The following PDE4D variants were observed in gnomAD, a reference collection of about 807,000 sequenced individuals.
PDE4D encodes the protein 3',5'-cyclic-AMP phosphodiesterase 4D.
PDE4D carries 24 observed loss-of-function variants against 87.4 expected under a neutral mutation model. That is an observed-to-expected ratio of 0.27 (90% CI 0.20 to 0.39). The LOEUF (loss-of-function observed/expected upper bound fraction) is 0.39. Among genes scored for constraint, PDE4D ranks in the 10% least tolerant of loss-of-function variants. The pLI is 1.00. For synonymous variants in PDE4D, 384 were observed against 383.2 expected (o/e 1.00, Z -0.02); for missense variants, 714 against 1,041.0 (o/e 0.69, Z 4.32).
intron 1 of PDE4D, among the ~76,000 whole-genome samples, chr5:59,521,650 C>T (rs1812260110): frequency 6.6e-6 from 1 of 152,088 alleles, no homozygotes. Context: ...ACACTCTTTC[C>T]CCACTTTACC....
rs1037438638 is a variant in PDE4D, at chr5:59,525,736, C to G, written c.456-309768G>C. On this transcript the variant is annotated intron_variant, in intron 1 of 14. Coordinates refer to ENST00000340635, the MANE Select transcript of PDE4D (RefSeq NM_001104631.2). The stretch of plus-strand genomic sequence containing the variant: ...GGAACCTCATGGGAGGTGATTAGAT[C>G]ATGGGAGCAGATCCCCCTGCTGTTC... Among the ~76,000 whole-genome samples, 12 of 152,166 alleles carry G rather than the reference C, an allele frequency of 7.9e-5. No homozygotes were observed. The South Asian group carries it at 1.2e-3, about 16-fold the overall frequency.
At chr5:59,307,546 C>T (rs1191027484) in intron 1 of PDE4D, among the ~76,000 whole-genome samples, 12 of 152,062 alleles carry the variant, frequency 7.9e-5, no homozygotes, top group Admixed American at 2.0e-4. Context: ...AGAAAGTGGG[C>T]GAAGGATATG....
chr5:59,894,405 G>C (rs1751415293), upstream of PDE4D, among the ~76,000 whole-genome samples: 1 of 152,212 alleles, frequency 6.6e-6, no homozygotes, highest in South Asian at 2.1e-4. Flanking sequence ...AATTGGATCT[G>C]GGTGAAGATC....
intron 1 of PDE4D, among the ~76,000 whole-genome samples, chr5:60,370,332 C>T (rs1329291535): frequency 6.6e-6 from 1 of 152,118 alleles, no homozygotes; most frequent in Non-Finnish European, 1.5e-5. Context: ...TTGGTATGCG[C>T]TATATAATGG....
intron 6 of PDE4D, among the ~76,000 whole-genome samples, chr5:59,015,228 C>T (rs1373329321): frequency 1.3e-5 from 2 of 152,070 alleles, no homozygotes; most frequent in Admixed American, 1.3e-4. Context: ...GACTTCATGT[C>T]TGAAACACCA....
rs572041355 is a variant in PDE4D at position 59,052,953 on chromosome 5, T to A, written c.809-13982A>T. 1.8e-3 allele frequency among the ~76,000 whole-genome samples: 267 copies of A among 152,286 alleles called. 2 individuals carry two copies. The Middle Eastern group carries it at 0.031, about 17-fold the overall frequency. On this transcript the variant is annotated intron_variant, in intron 5 of 14. Coordinates refer to ENST00000340635, the MANE Select transcript of PDE4D (RefSeq NM_001104631.2). ...TTAATAGTAATTCATCTCCTCCCTA[T>A]CTTTTTTTAAAACATGGTCAAAATT...
At chr5:59,674,557 C>G (rs1369892325) in intron 1 of PDE4D, among the ~76,000 whole-genome samples, 1 of 152,208 alleles carries the variant, frequency 6.6e-6, no homozygotes. Context: ...CTGAGATACT[C>G]TCTCTACAAG....
At chr5:59,774,091 G>A (rs1763842714) in intron 1 of PDE4D, among the ~76,000 whole-genome samples, 1 of 152,148 alleles carries the variant, frequency 6.6e-6, no homozygotes. Flanking sequence ...GGTAGTTTAG[G>A]GGAGGTAAGA....
At chr5:60,272,671 T>C (rs116215121) in intron 1 of PDE4D, among the ~76,000 whole-genome samples, 42 of 152,244 alleles carry the variant, frequency 2.8e-4, no homozygotes, top group African/African-American at 9.6e-4. Context: ...TGGAATTGTA[T>C]CAGTTAGACA....
At chr5:60,140,078 T>C (rs994223434) in intron 2 of PDE4D, among the ~76,000 whole-genome samples, 54 of 152,098 alleles carry the variant, frequency 3.6e-4, no homozygotes, top group African/African-American at 1.3e-3. Context: ...ATCTATTTAA[T>C]TTGTATTATT....
intron 2 of PDE4D, among the ~76,000 whole-genome samples, chr5:59,208,499 T>TTAA (rs1400647584): frequency 6.6e-6 from 1 of 152,238 alleles, no homozygotes; most frequent in Non-Finnish European, 1.5e-5. Flanking sequence ...GCACTGGCAA[T>TTAA]GATACTTAGA....
At chr5:59,647,283 A>G (rs1458344914) in intron 1 of PDE4D, among the ~76,000 whole-genome samples, 2 of 152,170 alleles carry the variant, frequency 1.3e-5, no homozygotes, top group Non-Finnish European at 2.9e-5. Context: ...AAATATAAAA[A>G]TGAAACATAT....
chr5:59,892,944 C>T (rs996659159), intron 1 of PDE4D, among the ~76,000 whole-genome samples: 1 of 148,500 alleles, frequency 6.7e-6, no homozygotes, highest in Non-Finnish European at 1.5e-5. Context: ...ACACACGGCC[C>T]CAGTTAACAT....
At chr5:59,030,422 CAAAAAAAAAAAA>C (rs373275661) in intron 6 of PDE4D, among the ~76,000 whole-genome samples, 6 of 58,300 alleles carry the variant, frequency 1.0e-4, no homozygotes, top group Non-Finnish European at 1.6e-4. Context: ...AACAGAGATA[CAAAAAAAAAAAA>C]AAAAAAAAAA....
intron 1 of PDE4D, among the ~76,000 whole-genome samples, chr5:59,879,181 T>C (rs897262116): frequency 2.0e-5 from 3 of 152,086 alleles, no homozygotes; most frequent in Admixed American, 2.0e-4. Context: ...ATTACAGGCG[T>C]GAGCCACCGC....
intron 2 of PDE4D, among the ~76,000 whole-genome samples, chr5:60,095,922 C>A (rs1775631619): frequency 6.6e-6 from 1 of 152,180 alleles, no homozygotes; most frequent in East Asian, 1.9e-4. Flanking sequence ...ATCCTTCACC[C>A]TCTTTTTAAT....
intron 1 of PDE4D, among the ~76,000 whole-genome samples, chr5:59,342,940 C>T (rs968780184): frequency 6.6e-6 from 1 of 151,052 alleles, no homozygotes; most frequent in Non-Finnish European, 1.5e-5. Flanking sequence ...GTGGTGAGAA[C>T]ATTTAAAATC....
At chr5:60,341,733 G>A (rs1758337063) in intron 1 of PDE4D, among the ~76,000 whole-genome samples, 1 of 151,982 alleles carries the variant, frequency 6.6e-6, no homozygotes, top group Non-Finnish European at 1.5e-5. Context: ...ACCATCCAAG[G>A]CCAAAATTAA....
rs572075145 is a variant in PDE4D, at chr5:60,391,550, C to T, written c.-90+96392G>A. Among the ~76,000 whole-genome samples, 14 of 152,254 alleles carry T rather than the reference C, an allele frequency of 9.2e-5. No homozygotes were observed. The East Asian group carries it at 2.3e-3, about 25-fold the overall frequency. The stretch of plus-strand genomic sequence containing the variant: ...CATCCACATTCTGTGGCTTGTGGCC[C>T]TTTTTTCCATTTTTAAAGAACGCAA... On this transcript the variant is annotated intron_variant, in intron 1 of 16. Coordinates refer to the PDE4D transcript ENST00000502484.
Sources: gnomAD v4.1 joint callset for allele counts (sites outside exome capture counted in the v4.1 genomes callset) on GRCh38, gnomAD v4.1.1 for gene constraint, MANE v1.5 for transcripts, NCBI Gene and HGNC (gene_info 2026-07-23, HGNC 2026-07-21) for gene names.